The following LINGO2 variants were observed in gnomAD, a reference collection of about 807,000 sequenced individuals.
LINGO2 encodes leucine rich repeat and Ig domain containing 2.
Under a neutral mutation model 30.6 loss-of-function variants are expected in LINGO2, and 14 were observed. The ratio of observed to expected loss-of-function variants is 0.46; its 90% confidence interval spans 0.30 to 0.72. LINGO2 has a LOEUF of 0.72. Among genes scored for constraint, LINGO2 ranks in the 30% least tolerant of loss-of-function variants. The pLI is 0.07. For missense variants in LINGO2, 729 were observed against 751.7 expected, an observed-to-expected ratio of 0.97 and a Z score of 0.35; for synonymous variants, 317 against 288.5, an observed-to-expected ratio of 1.10 and a Z score of -1.00.
chr9:29,018,043 G>T, the LINGO2 span, among the ~76,000 whole-genome samples: 80,024 of 145,474 alleles, frequency 0.55, 22,128 homozygotes, highest in Admixed American at 0.61. Context: ...TATAGAGAGA[G>T]AGAGATCTAT....
chr9:28,344,272 T>C (rs939135532), intron 3 of LINGO2, among the ~76,000 whole-genome samples: 2 of 152,028 alleles, frequency 1.3e-5, no homozygotes, highest in Admixed American at 6.6e-5. Flanking sequence ...AAATGAAAAC[T>C]CTCAGTAGTT....
chr9:28,020,643 G>T (rs1823071641), intron 4 of LINGO2, among the ~76,000 whole-genome samples: 1 of 152,146 alleles, frequency 6.6e-6, no homozygotes, highest in African/African-American at 2.4e-5. Flanking sequence ...TCAATCTTTG[G>T]TAGTATTCAC....
rs1388767466 is a variant in LINGO2 at position 28,540,259 on chromosome 9, T to C, written c.-364-64234A>G. On this transcript the variant is annotated intron_variant, in intron 1 of 5. Transcript: ENST00000379992. ...GAGACAGGCTCTCTCTCTCTTTCTG[T>C]CTCTCTCTCTCTCTCTCCCTCTCTC... Among the ~76,000 whole-genome samples, 4 of 138,694 alleles carry C rather than the reference T, an allele frequency of 2.9e-5. No individual in the cohort carries two copies. The East Asian group carries it at 5.9e-4, about 20-fold the overall frequency. 91.0% of individuals were successfully genotyped at this position (138,694 alleles called of 152,430 possible).
the LINGO2 span, among the ~76,000 whole-genome samples, chr9:28,971,419 G>T: frequency 6.6e-6 from 1 of 152,148 alleles, no homozygotes; most frequent in East Asian, 1.9e-4. Flanking sequence ...CTGCCCTAAA[G>T]GGTGAGTCCC....
chr9:28,564,070 T>A (rs1197371501), intron 1 of LINGO2, among the ~76,000 whole-genome samples: 1 of 152,156 alleles, frequency 6.6e-6, no homozygotes, highest in African/African-American at 2.4e-5. Context: ...TATGAGACCA[T>A]GACTATTCAG....
chr9:27,942,278 A>G, the LINGO2 span: 2 of 152,158 alleles, frequency 1.3e-5, no homozygotes, highest in African/African-American at 2.4e-5. Flanking sequence ...GGGATTACTA[A>G]TTAATACAGT....
At chr9:28,849,821 TC>T in the LINGO2 span, among the ~76,000 whole-genome samples, 2 of 152,052 alleles carry the variant, frequency 1.3e-5, no homozygotes, top group African/African-American at 4.8e-5. Context: ...CTATTGTCAC[TC>T]CTGGGTTAAG....
the LINGO2 span, among the ~76,000 whole-genome samples, chr9:29,183,644 C>A: frequency 6.6e-6 from 1 of 152,138 alleles, no homozygotes. Flanking sequence ...CCAGTAGGCA[C>A]TCAGTGACAT....
chr9:28,301,244 T>C (rs1439459016), intron 3 of LINGO2, among the ~76,000 whole-genome samples: 1 of 152,128 alleles, frequency 6.6e-6, no homozygotes, highest in African/African-American at 2.4e-5. Context: ...GGACTGGTTT[T>C]GGTCCTTGGC....
chr9:28,003,634 C>T (rs570309016), intron 5 of LINGO2, among the ~76,000 whole-genome samples: 18 of 151,984 alleles, frequency 1.2e-4, no homozygotes, highest in South Asian at 1.0e-3. Context: ...GCTAATTTTT[C>T]GTATTTTTAG....
chr9:28,828,050 G>A, the LINGO2 span, among the ~76,000 whole-genome samples: 1 of 151,770 alleles, frequency 6.6e-6, no homozygotes, highest in African/African-American at 2.4e-5. Flanking sequence ...AGGGGCCGGA[G>A]ACTTAAATGT....
At chr9:28,950,698 G>A in the LINGO2 span, among the ~76,000 whole-genome samples, 6 of 152,020 alleles carry the variant, frequency 3.9e-5, no homozygotes, top group Non-Finnish European at 5.9e-5. Flanking sequence ...GGGATGTGAA[G>A]GACCTCTTCA....
chr9:29,032,323 G>C, the LINGO2 span, among the ~76,000 whole-genome samples: 1 of 152,078 alleles, frequency 6.6e-6, no homozygotes, highest in Non-Finnish European at 1.5e-5. Context: ...GCTGTAATTG[G>C]AGGGTCATCC....
chr9:29,168,127 T>G, the LINGO2 span, among the ~76,000 whole-genome samples: 1 of 152,176 alleles, frequency 6.6e-6, no homozygotes, highest in African/African-American at 2.4e-5. Flanking sequence ...CTGAATGATA[T>G]TTCCTCATGT....
chr9:28,799,252 C>T, the LINGO2 span, among the ~76,000 whole-genome samples: 1 of 152,034 alleles, frequency 6.6e-6, no homozygotes, highest in Non-Finnish European at 1.5e-5. Flanking sequence ...ACCCAGGTGG[C>T]ACTGCAGACT....
chr9:28,525,929 G>A (rs929502391), intron 1 of LINGO2, among the ~76,000 whole-genome samples: 4 of 151,530 alleles, frequency 2.6e-5, no homozygotes, highest in Non-Finnish European at 5.9e-5. Flanking sequence ...GGTGGCGGGC[G>A]CTTGCAGTCC....
chr9:28,475,842 T>G lies in LINGO2; in HGVS notation c.-279+98A>C, dbSNP rs548061395. The G allele has an allele frequency of 6.8e-4, 104 of 152,756 alleles. 1 individual carries two copies. Among genetic ancestry groups the G allele is most frequent in the African/African-American group, 2.4e-3 (99 of 41,582 alleles). The allele number at this position is 152,756 out of a possible 1,614,324, so 9.5% of individuals were successfully genotyped here. A position where few individuals can be genotyped will look rare whatever the true frequency, so the allele number is the denominator to read the frequency against. On this transcript the variant is annotated intron_variant, in intron 2 of 5. Transcript: ENST00000379992. ...AAAATACATTTCACAGGGTACATTT[T>G]AGAAGCTTTCTCATTTTATTTATAA... is the stretch of plus-strand genomic sequence containing the variant.
chr9:28,371,591 T>C (rs1820898817), intron 3 of LINGO2, among the ~76,000 whole-genome samples: 1 of 152,098 alleles, frequency 6.6e-6, no homozygotes, highest in African/African-American at 2.4e-5. Context: ...TTCAGCAGAG[T>C]AATTTTGAGA....
the LINGO2 span, among the ~76,000 whole-genome samples, chr9:28,968,869 C>G: frequency 6.6e-6 from 1 of 152,196 alleles, no homozygotes; most frequent in East Asian, 1.9e-4. Flanking sequence ...TATCAAACCA[C>G]GACAGAGTGC....
Sources: allele counts gnomAD v4.1 joint callset (sites outside exome capture counted in the v4.1 genomes callset), GRCh38; gene constraint gnomAD v4.1.1; transcripts MANE v1.5; gene names NCBI Gene and HGNC (gene_info 2026-07-23, HGNC 2026-07-21).